The following SPIDR variants were observed in gnomAD, a reference collection of about 807,000 sequenced individuals.
The protein encoded by SPIDR is scaffold protein involved in DNA repair.
In SPIDR, 93 loss-of-function variants were observed where a neutral mutation model predicts 104.6. The ratio of observed to expected loss-of-function variants is 0.89; its 90% CI spans 0.75 to 1.06. The LOEUF (loss-of-function observed/expected upper bound fraction) is 1.06, where lower values mean the gene tolerates loss of function less well. SPIDR is among the 50% of genes least tolerant of loss of function. The pLI, the probability that SPIDR is intolerant of heterozygous loss-of-function variation, is 0.00. For synonymous variants in SPIDR, 431 were observed against 416.9 expected (o/e 1.03, Z -0.41); for missense variants, 1,154 against 1,111.2 (o/e 1.04, Z -0.55).
chr8:47,269,290 C>T (rs1013283297), intron 1 of SPIDR, among the ~76,000 whole-genome samples: 5 of 150,970 alleles, frequency 3.3e-5, no homozygotes, highest in East Asian at 3.9e-4. Flanking sequence ...CAGAATCTTG[C>T]GCTGTCACCC....
chr8:47,427,441 A>C (rs1585529688), intron 7 of SPIDR, among the ~76,000 whole-genome samples: 1 of 152,184 alleles, frequency 6.6e-6, no homozygotes, highest in Non-Finnish European at 1.5e-5. Flanking sequence ...GTACTAAAAA[A>C]TTAATACTTC....
At chr8:47,321,206 G>T (rs185017203) in intron 5 of SPIDR, among the ~76,000 whole-genome samples, 18 of 152,254 alleles carry the variant, frequency 1.2e-4, no homozygotes, top group African/African-American at 4.3e-4. Context: ...CATCGTCTCA[G>T]CCCAAAATCT....
intron 11 of SPIDR, among the ~76,000 whole-genome samples, chr8:47,696,822 A>G (rs2079396880): frequency 6.6e-6 from 1 of 152,248 alleles, no homozygotes; most frequent in Non-Finnish European, 1.5e-5. Context: ...AGGAAGATGA[A>G]GCTGAGAGAG....
intron 7 of SPIDR, among the ~76,000 whole-genome samples, chr8:47,440,064 T>A (rs1192419775): frequency 6.6e-6 from 1 of 152,224 alleles, no homozygotes; most frequent in Non-Finnish European, 1.5e-5. Context: ...ACAGGACTAT[T>A]TCTTCATGAC....
intron 5 of SPIDR, among the ~76,000 whole-genome samples, chr8:47,317,070 G>A (rs2045508126): frequency 6.6e-6 from 1 of 152,130 alleles, no homozygotes; most frequent in Non-Finnish European, 1.5e-5. Flanking sequence ...CTAAGGTACT[G>A]GGTTCATCTC....
intron 8 of SPIDR, among the ~76,000 whole-genome samples, chr8:47,552,896 T>C (rs1294469756): frequency 6.6e-6 from 1 of 152,214 alleles, no homozygotes; most frequent in East Asian, 1.9e-4. Flanking sequence ...CAGTGGCTGG[T>C]ACCAGTTGTT....
chr8:47,600,097 G>T (rs1340850905), intron 10 of SPIDR, among the ~76,000 whole-genome samples: 5 of 152,258 alleles, frequency 3.3e-5, no homozygotes, highest in Admixed American at 1.3e-4. Flanking sequence ...AATGATAATT[G>T]CCCTCAAAGA....
chr8:47,675,316 G>C (rs903840772), intron 11 of SPIDR, among the ~76,000 whole-genome samples: 1 of 152,184 alleles, frequency 6.6e-6, no homozygotes, highest in Non-Finnish European at 1.5e-5. Context: ...GATTACAGGC[G>C]TGAGCTACCA....
intron 5 of SPIDR, among the ~76,000 whole-genome samples, chr8:47,351,591 CT>C (rs1177972763): frequency 6.6e-6 from 1 of 152,106 alleles, no homozygotes; most frequent in Non-Finnish European, 1.5e-5. Context: ...GAAAGCATAA[CT>C]TTTAAAGTAC....
intron 19 of SPIDR, among the ~76,000 whole-genome samples, chr8:47,730,357 A>G (rs1003499468): frequency 6.6e-6 from 1 of 152,222 alleles, no homozygotes; most frequent in Non-Finnish European, 1.5e-5. Context: ...AAGCACCACA[A>G]GTGGCTCATG....
intron 8 of SPIDR, among the ~76,000 whole-genome samples, chr8:47,507,113 C>G (rs2081597309): frequency 6.6e-6 from 1 of 152,178 alleles, no homozygotes; most frequent in Non-Finnish European, 1.5e-5. Flanking sequence ...TGTCTTACTC[C>G]TGGTTCAAGA....
intron 10 of SPIDR, among the ~76,000 whole-genome samples, chr8:47,647,218 G>A (rs1267458775): frequency 6.6e-6 from 1 of 152,106 alleles, no homozygotes; most frequent in Non-Finnish European, 1.5e-5. Flanking sequence ...CTAGGTGTTA[G>A]GGATACAGCA....
At chr8:47,337,038 C>A (rs2049897452) in intron 5 of SPIDR, among the ~76,000 whole-genome samples, 1 of 152,044 alleles carries the variant, frequency 6.6e-6, no homozygotes, top group African/African-American at 2.4e-5. Context: ...TTTTCATGTG[C>A]TTATTGGCCA....
intron 8 of SPIDR, among the ~76,000 whole-genome samples, chr8:47,553,111 G>T (rs1468526175): frequency 1.3e-5 from 2 of 152,184 alleles, no homozygotes; most frequent in Non-Finnish European, 2.9e-5. Context: ...CTGGCTTGTG[G>T]AGTGTCTGCC....
chr8:47,590,466 G>GT (rs1237102740), intron 8 of SPIDR, among the ~76,000 whole-genome samples: 4 of 152,142 alleles, frequency 2.6e-5, no homozygotes, highest in African/African-American at 9.7e-5. Context: ...ATTTCAAAGT[G>GT]TTTGGAGAAT....
chr8:47,456,766 CT>C (rs1459075434), intron 8 of SPIDR, among the ~76,000 whole-genome samples: 5 of 152,122 alleles, frequency 3.3e-5, no homozygotes, highest in Non-Finnish European at 5.9e-5. Context: ...ACTTCCCACC[CT>C]TCCCCAACCC....
intron 11 of SPIDR, among the ~76,000 whole-genome samples, chr8:47,689,951 T>C (rs1476874256): frequency 6.6e-6 from 1 of 152,208 alleles, no homozygotes; most frequent in Non-Finnish European, 1.5e-5. Context: ...TTTGAAACAT[T>C]ATATGAGGGG....
intron 3 of SPIDR, among the ~76,000 whole-genome samples, chr8:47,288,190 A>C (rs1297032817): frequency 1.3e-5 from 2 of 151,732 alleles, no homozygotes; most frequent in African/African-American, 4.8e-5. Flanking sequence ...GTACCTTGCC[A>C]CCTTTATTGG....
At chr8:47,303,034 GC>G (rs1336282950) in intron 5 of SPIDR, among the ~76,000 whole-genome samples, 3 of 152,192 alleles carry the variant, frequency 2.0e-5, no homozygotes, top group Non-Finnish European at 4.4e-5. Context: ...GTTATGCCCT[GC>G]CCCCAGAGGT....
Sources: gnomAD v4.1 joint callset for allele counts (sites outside exome capture counted in the v4.1 genomes callset) on GRCh38, gnomAD v4.1.1 for gene constraint, MANE v1.5 for transcripts, NCBI Gene and HGNC (gene_info 2026-07-23, HGNC 2026-07-21) for gene names.